The following DAPP1 variants were observed in gnomAD, a reference collection of about 807,000 sequenced individuals.
DAPP1 encodes dual adaptor of phosphotyrosine and 3-phosphoinositides 1.
A neutral mutation model predicts 41.5 loss-of-function variants in DAPP1; 20 were observed. The ratio of observed to expected loss-of-function variants is 0.48; its 90% CI spans 0.34 to 0.70. The LOEUF is 0.70. DAPP1 is among the 30% of genes least tolerant of loss of function. DAPP1 has a pLI of 0.01. For missense variants in DAPP1, 233 were observed against 333.4 expected, an observed-to-expected ratio of 0.70 and a Z score of 2.35; for synonymous variants, 113 against 116.2, an observed-to-expected ratio of 0.97 and a Z score of 0.18.
At chr4:99,860,324 T>C (rs577604121) in intron 4 of DAPP1, among the ~76,000 whole-genome samples, 1 of 152,330 alleles carries the variant, frequency 6.6e-6, no homozygotes, top group Non-Finnish European at 1.5e-5. Flanking sequence ...TAGTAAATAA[T>C]TCTATCAGGA....
At chr4:99,841,165 G>A (rs1293143036) in intron 3 of DAPP1, among the ~76,000 whole-genome samples, 1 of 152,088 alleles carries the variant, frequency 6.6e-6, no homozygotes, top group Admixed American at 6.6e-5. Flanking sequence ...AAGAACCTGC[G>A]GCACAAGAGG....
intron 1 of DAPP1, among the ~76,000 whole-genome samples, chr4:99,826,193 T>C (rs911954631): frequency 7.9e-5 from 12 of 152,232 alleles, no homozygotes; most frequent in Non-Finnish European, 2.9e-5. Flanking sequence ...ACACATCAAT[T>C]AGCTGTGCCA....
At chr4:99,829,807 ACAAT>A (rs138774458) in intron 1 of DAPP1, among the ~76,000 whole-genome samples, 1,744 of 152,312 alleles carry the variant, frequency 0.011, 41 homozygotes, top group African/African-American at 0.039. Context: ...ACATGAAGAG[ACAAT>A]CAAATACCAG....
At chr4:99,827,546 C>CA (rs71594565) in intron 1 of DAPP1, among the ~76,000 whole-genome samples, 17 of 113,528 alleles carry the variant, frequency 1.5e-4, no homozygotes, top group East Asian at 9.7e-4. Flanking sequence ...AAAAAAACAA[C>CA]AAAAAAACAA....
chr4:99,870,337 A>G (rs1318651695), downstream of DAPP1, among the ~76,000 whole-genome samples: 1 of 151,420 alleles, frequency 6.6e-6, no homozygotes, highest in East Asian at 1.9e-4. Context: ...AAACATATAT[A>G]TATATATATG....
At chr4:99,817,781 C>T (rs1722640523) in intron 1 of DAPP1, among the ~76,000 whole-genome samples, 1 of 152,194 alleles carries the variant, frequency 6.6e-6, no homozygotes, top group Admixed American at 6.5e-5. Flanking sequence ...GGGAATATCC[C>T]AATGAAGGTG....
chr4:99,817,504 C>T (rs977117744), intron 1 of DAPP1, among the ~76,000 whole-genome samples: 1 of 152,144 alleles, frequency 6.6e-6, no homozygotes. Flanking sequence ...AACAGTCTCG[C>T]TTGTATATTT....
intron 1 of DAPP1, among the ~76,000 whole-genome samples, chr4:99,830,797 T>C (rs1455906014): frequency 6.6e-6 from 1 of 152,164 alleles, no homozygotes; most frequent in African/African-American, 2.4e-5. Context: ...TCTCTCTCTC[T>C]CTCTCAATCT....
intron 3 of DAPP1, among the ~76,000 whole-genome samples, chr4:99,850,972 C>T (rs1049947505): frequency 6.6e-6 from 1 of 152,150 alleles, no homozygotes; most frequent in African/African-American, 2.4e-5. Context: ...GCGGTAGTGA[C>T]AATTGAACCC....
At chr4:99,838,126 T>G (rs1191342761) in intron 2 of DAPP1, among the ~76,000 whole-genome samples, 3 of 152,196 alleles carry the variant, frequency 2.0e-5, no homozygotes, top group Non-Finnish European at 4.4e-5. Flanking sequence ...ACCCCTGGCA[T>G]GAATCTTCCA....
chr4:99,858,005 G>T (rs1724106541), intron 4 of DAPP1, among the ~76,000 whole-genome samples: 1 of 152,086 alleles, frequency 6.6e-6, no homozygotes, highest in Non-Finnish European at 1.5e-5. Context: ...ATAGTAAATT[G>T]CCTACATGAT....
chr4:99,817,783 A>G (rs760470717), intron 1 of DAPP1, among the ~76,000 whole-genome samples: 1 of 152,248 alleles, frequency 6.6e-6, no homozygotes, highest in Non-Finnish European at 1.5e-5. Context: ...GAATATCCCA[A>G]TGAAGGTGGC....
chr4:99,835,871 C>T, intron 2 of DAPP1, 126 bp downstream of exon 2: 3 of 1,252,170 alleles, frequency 2.4e-6, no homozygotes, highest in Non-Finnish European at 3.3e-6. Flanking sequence ...TTAAAGGATT[C>T]CAAACTCTAA....
rs753994065 is a variant in DAPP1, at chr4:99,870,037, TTGGG to T, written c.*1858_*1861del. The T allele has an allele frequency of 6.6e-6, 1 of 152,164 alleles. No homozygotes were observed. The highest frequency in any genetic ancestry group is 1.5e-5 in the Non-Finnish European group (1 of 68,024). 9.4% of individuals were successfully genotyped at this position (152,164 alleles called of 1,614,324 possible). On this transcript the variant is annotated 3_prime_UTR_variant, in exon 9 of 9. Coordinates refer to ENST00000512369, the MANE Select transcript of DAPP1 (RefSeq NM_014395.3). ...TTTTCTTAGAAACAAATGTGTTTCT[TTGGG>T]TGGGTAATATTGTGTTTTACTATGT...
chr4:99,831,470 T>G (rs1359143997), intron 1 of DAPP1, among the ~76,000 whole-genome samples: 1 of 152,230 alleles, frequency 6.6e-6, no homozygotes, highest in Non-Finnish European at 1.5e-5. Flanking sequence ...TTGGTTAACT[T>G]TTTACATAAT....
intron 1 of DAPP1, among the ~76,000 whole-genome samples, chr4:99,826,598 T>C (rs1372626287): frequency 1.3e-5 from 2 of 152,240 alleles, no homozygotes; most frequent in African/African-American, 4.8e-5. Context: ...GCATGTGTTT[T>C]AAAGTGCAAG....
chr4:99,857,074 G>GA (rs367916101), intron 4 of DAPP1, among the ~76,000 whole-genome samples: 61 of 152,348 alleles, frequency 4.0e-4, no homozygotes, highest in African/African-American at 7.5e-4. Flanking sequence ...GACCCGTGGA[G>GA]ATTATTTCCC....
At chr4:99,860,271 T>C (rs1458223294) in intron 4 of DAPP1, among the ~76,000 whole-genome samples, 1 of 152,230 alleles carries the variant, frequency 6.6e-6, no homozygotes, top group African/African-American at 2.4e-5. Context: ...TATAGTACAT[T>C]GTTTGGGTGG....
intron 1 of DAPP1, among the ~76,000 whole-genome samples, chr4:99,827,231 T>A (rs1417776275): frequency 6.6e-6 from 1 of 152,080 alleles, no homozygotes; most frequent in East Asian, 1.9e-4. Context: ...AAAAGTTTCT[T>A]ATTGCACCTG....
Sources: gnomAD v4.1 joint callset for allele counts (sites outside exome capture counted in the v4.1 genomes callset) on GRCh38, gnomAD v4.1.1 for gene constraint, MANE v1.5 for transcripts, NCBI Gene and HGNC (gene_info 2026-07-23, HGNC 2026-07-21) for gene names.